Variants in FBLN5 observed in about 807,000 individuals in gnomAD.
FBLN5 encodes the protein fibulin 5.
FBLN5 carries 24 observed loss-of-function variants against 61.6 expected under a neutral mutation model. The observed-to-expected ratio is 0.39, with a 90% confidence interval of 0.28 to 0.55. The LOEUF is 0.55. Among genes scored for constraint, FBLN5 ranks in the 20% least tolerant of loss-of-function variants. The probability of loss-of-function intolerance (pLI) is 0.65; values close to 1 mark genes in which losing one functional copy is unlikely to be tolerated. For missense variants in FBLN5, 470 were observed against 594.1 expected, an observed-to-expected ratio of 0.79 and a Z score of 2.17; for synonymous variants, 213 against 219.8, an observed-to-expected ratio of 0.97 and a Z score of 0.27.
rs775878313 is a variant in FBLN5, at chr14:91,891,359, A to C, written c.503-22T>G. The C allele has an allele frequency of 3.4e-6, 5 of 1,477,676 alleles. No homozygotes were observed. In the South Asian group the frequency reaches 4.5e-5, roughly 13 times the overall value. 91.5% of individuals were successfully genotyped at this position (1,477,676 alleles called of 1,614,324 possible). On this transcript the variant is annotated intron_variant, in intron 5 of 10. Transcript: ENST00000342058. The stretch of plus-strand genomic sequence containing the variant: ...ATGTCTGGAAACAGAAATGCAAGCA[A>C]AGTGAGACAGGTCTCCTCACTCAAT...
chr14:91,886,707 A>G (rs1217165429), intron 7 of FBLN5, among the ~76,000 whole-genome samples: 1 of 152,084 alleles, frequency 6.6e-6, no homozygotes, highest in Admixed American at 6.5e-5. Context: ...GGCACTGATT[A>G]TTTGTAGAGA....
chr14:91,891,803 T>C (rs1890009118), intron 5 of FBLN5, among the ~76,000 whole-genome samples: 1 of 152,156 alleles, frequency 6.6e-6, no homozygotes, highest in African/African-American at 2.4e-5. Flanking sequence ...GGATTCTTCT[T>C]AACACGTAAG....
At chr14:91,937,315 GT>G in intron 3 of FBLN5, 114 bp from the exon 4 acceptor site, 1 of 1,419,346 alleles carries the variant, frequency 7.0e-7, no homozygotes, top group African/African-American at 1.4e-5. Context: ...AACACCTAGG[GT>G]GGTCCCAACT....
chr14:91,929,592 A>C (rs1419357740), intron 4 of FBLN5, among the ~76,000 whole-genome samples: 1 of 152,254 alleles, frequency 6.6e-6, no homozygotes, highest in Admixed American at 6.5e-5. Flanking sequence ...CCACTACACC[A>C]TGCTACCTCA....
chr14:91,908,094 C>A (rs1474667636), intron 4 of FBLN5, among the ~76,000 whole-genome samples: 1 of 152,198 alleles, frequency 6.6e-6, no homozygotes, highest in African/African-American at 2.4e-5. Context: ...CTTTTCCAAT[C>A]AGTGTTAGCA....
At chr14:91,944,157 T>C (rs10133540) in intron 1 of FBLN5, among the ~76,000 whole-genome samples, 77,895 of 151,928 alleles carry the variant, frequency 0.51, 20,454 homozygotes, top group African/African-American at 0.61. Flanking sequence ...TGGTGAAACC[T>C]TGTCTCTCTA....
At chr14:91,911,700 C>A (rs1054636210) in intron 4 of FBLN5, among the ~76,000 whole-genome samples, 18 of 152,048 alleles carry the variant, frequency 1.2e-4, no homozygotes, top group Admixed American at 9.8e-4. Flanking sequence ...AATCCAAATG[C>A]TCTGGGGCCC....
chr14:91,894,428 C>A (rs2430360), intron 5 of FBLN5, among the ~76,000 whole-genome samples: 50,662 of 71,878 alleles, frequency 0.7, 19,175 homozygotes, highest in Non-Finnish European at 0.81. Flanking sequence ...AAAAAAAAAA[C>A]CGAAAAAAAC....
intron 4 of FBLN5, among the ~76,000 whole-genome samples, chr14:91,904,931 C>T (rs538915353): frequency 6.6e-6 from 1 of 152,264 alleles, no homozygotes; most frequent in East Asian, 1.9e-4. Context: ...ACTTTATTCT[C>T]AACAATCATA....
At chr14:91,878,399 G>C (rs984124331) in intron 9 of FBLN5, among the ~76,000 whole-genome samples, 5 of 152,160 alleles carry the variant, frequency 3.3e-5, no homozygotes, top group African/African-American at 1.2e-4. Flanking sequence ...AAGAATGCCT[G>C]TTATAGACAC....
chr14:91,878,230 T>C (rs1349205246), intron 9 of FBLN5, among the ~76,000 whole-genome samples: 2 of 152,214 alleles, frequency 1.3e-5, no homozygotes, highest in African/African-American at 2.4e-5. Flanking sequence ...ATGTACAAGA[T>C]GTGACATTGG....
chr14:91,931,597 C>T (rs541853637), intron 4 of FBLN5, among the ~76,000 whole-genome samples: 3 of 152,272 alleles, frequency 2.0e-5, no homozygotes, highest in South Asian at 2.1e-4. Context: ...CACAAATGGC[C>T]GGAATTTCTG....
At chr14:91,894,428 C>CAAAAAAAAAAAA (rs1491576623) in intron 5 of FBLN5, among the ~76,000 whole-genome samples, 3 of 72,624 alleles carry the variant, frequency 4.1e-5, no homozygotes, top group Non-Finnish European at 7.5e-5. Flanking sequence ...AAAAAAAAAA[C>CAAAAAAAAAAAA]CGAAAAAAAC....
At chr14:91,909,476 T>A (rs1388713266) in intron 4 of FBLN5, among the ~76,000 whole-genome samples, 3 of 152,198 alleles carry the variant, frequency 2.0e-5, no homozygotes, top group Non-Finnish European at 4.4e-5. Flanking sequence ...CAGTTGCCAC[T>A]GTGACAGTAT....
chr14:91,946,432 C>T (rs546822989), intron 1 of FBLN5, among the ~76,000 whole-genome samples: 4 of 152,164 alleles, frequency 2.6e-5, no homozygotes, highest in South Asian at 2.1e-4. Flanking sequence ...CAAGGAAAGC[C>T]GGAGAGACCA....
intron 4 of FBLN5, among the ~76,000 whole-genome samples, chr14:91,931,200 C>T (rs1178555541): frequency 6.6e-6 from 1 of 152,240 alleles, no homozygotes; most frequent in African/African-American, 2.4e-5. Flanking sequence ...CCCTCCACCC[C>T]AGAAGGCTTC....
chr14:91,941,932 G>T (rs939237659), intron 2 of FBLN5: 3 of 343,490 alleles, frequency 8.7e-6, no homozygotes, highest in Non-Finnish European at 1.7e-5. Context: ...TTAGAAAACC[G>T]CAAGGTCTAA....
At chr14:91,910,107 G>C (rs1265374513) in intron 4 of FBLN5, among the ~76,000 whole-genome samples, 2 of 152,216 alleles carry the variant, frequency 1.3e-5, no homozygotes, top group African/African-American at 4.8e-5. Flanking sequence ...CAATAGCCAG[G>C]AGGTGGAAGC....
chr14:91,919,440 C>T (rs1203977336), intron 4 of FBLN5, among the ~76,000 whole-genome samples: 1 of 130,738 alleles, frequency 7.6e-6, no homozygotes, highest in Non-Finnish European at 1.7e-5. Flanking sequence ...GAAGGATTAC[C>T]AGGGGTCTCT....
Sources: gnomAD v4.1 joint callset for allele counts (sites outside exome capture counted in the v4.1 genomes callset) on GRCh38, gnomAD v4.1.1 for gene constraint, MANE v1.5 for transcripts, NCBI Gene and HGNC (gene_info 2026-07-23, HGNC 2026-07-21) for gene names.